HIVEP1: variants seen among roughly 807,000 people sequenced by gnomAD.
The protein encoded by HIVEP1 is HIVEP zinc finger 1.
A neutral mutation model predicts 180.0 loss-of-function variants in HIVEP1; 36 were observed. The observed-to-expected ratio is 0.20, with a 90% CI of 0.15 to 0.26. The LOEUF is 0.26. Ranked by LOEUF, HIVEP1 falls within the 10% of genes least tolerant of loss-of-function variation. HIVEP1 has a pLI of 1.00. For missense variants in HIVEP1, 3,143 were observed against 3,268.7 expected, an observed-to-expected ratio of 0.96 and a Z score of 0.94; for synonymous variants, 1,239 against 1,239.0, an observed-to-expected ratio of 1.00 and a Z score of 0.00.
At chr6:12,205,208 A>G in the HIVEP1 span, among the ~76,000 whole-genome samples, 1,335 of 152,304 alleles carry the variant, frequency 8.8e-3, 13 homozygotes, top group African/African-American at 0.029. Flanking sequence ...GCGGTGGCTC[A>G]TGCCTGTAAT....
At chr6:12,189,444 G>T in the HIVEP1 span, among the ~76,000 whole-genome samples, 15 of 151,890 alleles carry the variant, frequency 9.9e-5, no homozygotes, top group African/African-American at 3.6e-4. Context: ...ATTAGAAAAG[G>T]CCAATAATTC....
rs1204599023 is a variant in HIVEP1 at position 12,163,877 on chromosome 6, C to T, written c.7573C>T (p.Leu2525=). The T allele has an allele frequency of 1.2e-6, 2 of 1,614,064 alleles. No homozygotes were observed. Among genetic ancestry groups the T allele is most frequent in the African/African-American group, 2.7e-5 (2 of 74,926 alleles). Residue 2525 remains leucine, a synonymous_variant, in exon 9 of 9, where the codon CTG becomes TTG. Coordinates refer to ENST00000379388, the MANE Select transcript of HIVEP1 (RefSeq NM_002114.4). ...LALNAVGLQV[L]TANPSSQSSP... ...TCTGAATGCTGTCGGACTGCAGGTT[C>T]TGACTGCAAACCCTTCATCACAAAG...
chr6:12,053,233 G>T (rs1053467204), intron 2 of HIVEP1, among the ~76,000 whole-genome samples: 2 of 152,100 alleles, frequency 1.3e-5, no homozygotes, highest in Admixed American at 6.6e-5. Context: ...TCATGTGTGT[G>T]TGTGTGTCTG....
intron 7 of HIVEP1, among the ~76,000 whole-genome samples, chr6:12,153,652 G>C (rs1759842945): frequency 1.3e-5 from 2 of 151,366 alleles, no homozygotes; most frequent in African/African-American, 4.9e-5. Context: ...ATCTAGGTTA[G>C]AGTGAATTGG....
intron 4 of HIVEP1, among the ~76,000 whole-genome samples, chr6:12,128,639 C>G (rs1355429140): frequency 6.6e-6 from 1 of 152,092 alleles, no homozygotes; most frequent in Admixed American, 6.5e-5. Flanking sequence ...ACCTGTGCTG[C>G]CTGCCTCACA....
chr6:12,131,778 G>T (rs1454789813), intron 6 of HIVEP1, among the ~76,000 whole-genome samples: 1 of 1,414 alleles, frequency 7.1e-4, no homozygotes, highest in Non-Finnish European at 1.8e-3. Flanking sequence ...TGAGAAAACA[G>T]TAAAAAAAAA....
At chr6:12,020,911 G>A (rs1203037480) in intron 2 of HIVEP1, among the ~76,000 whole-genome samples, 3 of 17,574 alleles carry the variant, frequency 1.7e-4, no homozygotes, top group Non-Finnish European at 3.8e-4. Context: ...TTTTTTTTGA[G>A]ACGGAGTCTC....
intron 7 of HIVEP1, among the ~76,000 whole-genome samples, chr6:12,147,805 A>C (rs537831921): frequency 6.6e-6 from 1 of 152,152 alleles, no homozygotes; most frequent in Non-Finnish European, 1.5e-5. Flanking sequence ...TTTTATGTCT[A>C]TGTATAAATG....
At chr6:12,081,376 C>G (rs1772777983) in intron 2 of HIVEP1, among the ~76,000 whole-genome samples, 1 of 152,176 alleles carries the variant, frequency 6.6e-6, no homozygotes, top group South Asian at 2.1e-4. Flanking sequence ...TAGCCCCTTA[C>G]ACACTCACTA....
At chr6:12,042,369 CCG>C (rs1769825488) in intron 2 of HIVEP1, among the ~76,000 whole-genome samples, 1 of 130,806 alleles carries the variant, frequency 7.6e-6, no homozygotes. Flanking sequence ...GCGTGAGCCA[CCG>C]CACCCGGCCG....
intron 3 of HIVEP1, among the ~76,000 whole-genome samples, chr6:12,118,833 T>C (rs1429269440): frequency 1.3e-5 from 2 of 152,250 alleles, no homozygotes; most frequent in Non-Finnish European, 2.9e-5. Context: ...GTCCTGACTA[T>C]GGTCTGCTCT....
At chr6:12,038,108 A>G (rs944935732) in intron 2 of HIVEP1, 1 of 213,016 alleles carries the variant, frequency 4.7e-6, no homozygotes, top group African/African-American at 2.3e-5. Flanking sequence ...GTGCAAATTC[A>G]GTATGTTTTA....
At chr6:12,184,733 A>G in the HIVEP1 span, among the ~76,000 whole-genome samples, 1 of 152,228 alleles carries the variant, frequency 6.6e-6, no homozygotes, top group East Asian at 1.9e-4. Context: ...CATATCATAC[A>G]TTTAAATTCC....
At chr6:12,047,216 A>G (rs922616508) in intron 2 of HIVEP1, among the ~76,000 whole-genome samples, 5 of 152,204 alleles carry the variant, frequency 3.3e-5, no homozygotes, top group African/African-American at 1.2e-4. Context: ...TAATTTGTAC[A>G]TTAAATAAGT....
intron 3 of HIVEP1, among the ~76,000 whole-genome samples, chr6:12,108,200 G>A: frequency 6.6e-6 from 1 of 152,208 alleles, no homozygotes; most frequent in South Asian, 2.1e-4. Context: ...TAGACACAGG[G>A]TGCTGATTGG....
the HIVEP1 span, among the ~76,000 whole-genome samples, chr6:12,180,320 A>G: frequency 6.6e-6 from 1 of 152,216 alleles, no homozygotes; most frequent in Non-Finnish European, 1.5e-5. Flanking sequence ...AGAGCATTTT[A>G]AATTAAAATA....
chr6:12,035,973 T>C (rs150785719), intron 2 of HIVEP1, among the ~76,000 whole-genome samples: 2 of 152,254 alleles, frequency 1.3e-5, no homozygotes, highest in Non-Finnish European at 2.9e-5. Flanking sequence ...AATGCTAAAG[T>C]ATTATATGGA....
chr6:12,197,171 A>C, the HIVEP1 span, among the ~76,000 whole-genome samples: 1 of 152,186 alleles, frequency 6.6e-6, no homozygotes, highest in Non-Finnish European at 1.5e-5. Context: ...CAATTAAAAG[A>C]GAGTTGGGAG....
chr6:12,121,910 G>A lies in HIVEP1; in HGVS notation c.2115G>A (p.Arg705=). 6.2e-7 allele frequency: 1 copy of A among 1,614,124 alleles called. No individual in the cohort carries two copies. The highest frequency in any genetic ancestry group is 1.3e-5 in the African/African-American group (1 of 75,038). ...RLPSTEQDSG[R]SNGPSAALVT... is the part of the protein sequence containing the mutation. ...CCAGCACAGAACAAGACTCTGGAAG[G>A]AGTAACGGACCCTCTGCAGCTCTTG... The change falls in exon 4 of 9, where the codon AGG becomes AGA. Residue 705 remains arginine (R), a synonymous_variant. Transcript: ENST00000379388. The surrounding 1 kb of genome is among the most constrained non-coding windows in gnomAD (Gnocchi z 5.3).
Sources: allele counts gnomAD v4.1 joint callset (sites outside exome capture counted in the v4.1 genomes callset), GRCh38; gene constraint gnomAD v4.1.1; non-coding constraint Gnocchi (gnomAD v3.1); transcripts MANE v1.5; gene names NCBI Gene and HGNC (gene_info 2026-07-23, HGNC 2026-07-21).